DCAF13: variants seen among roughly 807,000 people sequenced by gnomAD.
DCAF13 encodes the protein DDB1 and CUL4 associated factor 13.
A neutral mutation model predicts 59.0 loss-of-function variants in DCAF13; 38 were observed. That is an observed-to-expected ratio of 0.64 (90% CI 0.50 to 0.84). The LOEUF (loss-of-function observed/expected upper bound fraction) is 0.84. Ranked by LOEUF, DCAF13 falls within the 40% of genes least tolerant of loss-of-function variation. The pLI, the probability that DCAF13 is intolerant of heterozygous loss-of-function variation, is 0.00. For missense variants in DCAF13, 469 were observed against 558.4 expected (o/e 0.84, Z 1.61); for synonymous variants, 173 against 175.0 (o/e 0.99, Z 0.09).
chr8:103,437,740 A>G (rs1461384682), intron 8 of DCAF13, among the ~76,000 whole-genome samples: 1 of 152,138 alleles, frequency 6.6e-6, no homozygotes, highest in East Asian at 1.9e-4. Flanking sequence ...GTATTTAAAA[A>G]ATATTTTCCT....
intron 1 of DCAF13, among the ~76,000 whole-genome samples, chr8:103,417,491 A>C (rs943419116): frequency 2.0e-5 from 3 of 151,712 alleles, no homozygotes; most frequent in Non-Finnish European, 4.4e-5. Context: ...AATACAAAAA[A>C]ATTAGCCCAG....
chr8:103,424,180 G>A (rs1213074208), intron 3 of DCAF13, among the ~76,000 whole-genome samples: 4 of 151,884 alleles, frequency 2.6e-5, no homozygotes, highest in African/African-American at 9.7e-5. Context: ...CACCACTCCC[G>A]GCTAATTTTT....
chr8:103,427,258 GT>G lies in DCAF13; in HGVS notation c.624+15del, dbSNP rs531567041. ...TTAAATTTAACCCAATTGAGGTAAT[GT>G]TTTTTTTTAAGTATGTTTTACTTAT... On this transcript the variant is annotated splice_region_variant and intron_variant, in intron 5 of 10. Transcript: ENST00000612750. 5.5e-3 allele frequency: 8,756 copies of G among 1,586,630 alleles called. 41 individuals carry two copies. The highest frequency in any genetic ancestry group is 7.0e-3 in the Non-Finnish European group (8,093 of 1,161,996).
In DCAF13 at chr8:103,440,284, AT is replaced by A; in HGVS notation, c.1086+17del. 1 of 1,552,704 alleles carries A rather than the reference AT, an allele frequency of 6.4e-7. No homozygotes were observed. Among genetic ancestry groups the A allele is most frequent in the South Asian group, 1.2e-5 (1 of 80,844 alleles). ...AAAATTGGGTGTGGTAAGAGAATTC[AT>A]TTTCTTTCATTGTCATAAAGCTGAT... On this transcript the variant is annotated intron_variant, in intron 9 of 10. Transcript: ENST00000612750.
At position 103,415,482 on chromosome 8, in the gene DCAF13, T is replaced by A. The variant is rs1586122430; in HGVS notation, c.36T>A (p.Asn12Lys). ...KVKMLSRNPD[N>K]YVRETKLDLQ... Reference sequence around the variant, plus strand: ...AGATGCTGAGCCGGAATCCGGACAATTATGTCCGCGAAACCAAGTTGGACT... The same window carrying A: ...AGATGCTGAGCCGGAATCCGGACAAATATGTCCGCGAAACCAAGTTGGACT... Residue 12 changes from asparagine to lysine, a missense_variant, in exon 1 of 11, where the codon AAT (asparagine) becomes AAA (lysine). Physicochemically the swap from Asn to Lys is moderately conservative, Grantham distance 94. Transcript: ENST00000612750. 6.2e-7 allele frequency: 1 copy of A among 1,612,874 alleles called. No individual in the cohort carries two copies.
At chr8:103,434,934 T>C (rs1414149358) in intron 7 of DCAF13, among the ~76,000 whole-genome samples, 4 of 152,118 alleles carry the variant, frequency 2.6e-5, no homozygotes. Flanking sequence ...TTGTTGGCAG[T>C]GATTTGGCAA....
intron 1 of DCAF13, among the ~76,000 whole-genome samples, chr8:103,417,412 C>T (rs1201787738): frequency 6.6e-6 from 1 of 151,790 alleles, no homozygotes; most frequent in African/African-American, 2.4e-5. Context: ...GAGGCCGAGA[C>T]GGGCGGATCA....
chr8:103,441,567 T>C lies in DCAF13; in HGVS notation c.1199T>C (p.Ile400Thr). The change falls in exon 10 of 11, where the codon ATC becomes ACC. Residue 400 changes from isoleucine to threonine, a missense_variant. Ile to Thr is a moderately conservative substitution (Grantham distance 89). Around this residue, in one of 3 missense-constraint regions of DCAF13, gnomAD observed 84 missense variants for 92.3 expected, o/e 0.91. Coordinates refer to ENST00000612750, the MANE Select transcript of DCAF13 (RefSeq NM_015420.7). ...IARHRHLPKS[I>T]YSQIQEQRIM... is the part of the protein sequence containing the mutation. ...CGTCATCGACATCTACCAAAATCTA[T>C]CTATAGCCAGATTCAGGAACAGCGC... is the stretch of plus-strand genomic sequence containing the variant. The C allele has an allele frequency of 1.2e-6, 2 of 1,609,880 alleles. No homozygotes were observed. Among genetic ancestry groups the C allele is most frequent in the Non-Finnish European group, 1.7e-6 (2 of 1,179,106 alleles).
chr8:103,416,459 A>G (rs1816614648), intron 1 of DCAF13, among the ~76,000 whole-genome samples: 1 of 152,156 alleles, frequency 6.6e-6, no homozygotes, highest in African/African-American at 2.4e-5. Flanking sequence ...GTTTCCCACA[A>G]GTGGTTTAGT....
At chr8:103,431,264 G>T (rs556374589) in intron 6 of DCAF13, among the ~76,000 whole-genome samples, 27 of 152,304 alleles carry the variant, frequency 1.8e-4, no homozygotes, top group African/African-American at 5.8e-4. Context: ...TAACTCTCAA[G>T]AGGGAGACAG....
At chr8:103,427,042 C>A in intron 4 of DCAF13, 55 bp from the exon 5 acceptor site, 1 of 1,324,562 alleles carries the variant, frequency 7.5e-7, no homozygotes, top group Non-Finnish European at 1.0e-6. Flanking sequence ...AAATATTATT[C>A]TGCAGATTTG....
intron 3 of DCAF13, among the ~76,000 whole-genome samples, chr8:103,423,456 A>G (rs1274056140): frequency 2.0e-5 from 3 of 152,210 alleles, no homozygotes; most frequent in African/African-American, 7.2e-5. Flanking sequence ...TAAGACAGAT[A>G]CCACATGATC....
chr8:103,418,866 A>ATTTTTT (rs1159489554), intron 1 of DCAF13, among the ~76,000 whole-genome samples: 3 of 38,428 alleles, frequency 7.8e-5, no homozygotes, highest in Non-Finnish European at 1.5e-4. Flanking sequence ...ATATATATAT[A>ATTTTTT]TTTTTTTTTT....
chr8:103,439,160 A>G (rs889186424), intron 8 of DCAF13, among the ~76,000 whole-genome samples: 1 of 151,904 alleles, frequency 6.6e-6, no homozygotes, highest in African/African-American at 2.4e-5. Context: ...GCCTGCCACC[A>G]TGCCTGGCTA....
At chr8:103,415,730 C>T (rs1407980868) in intron 1 of DCAF13, among the ~76,000 whole-genome samples, 1 of 152,170 alleles carries the variant, frequency 6.6e-6, no homozygotes, top group Admixed American at 6.5e-5. Flanking sequence ...AGAATTTCCT[C>T]TAGTGGTGAG....
chr8:103,425,855 T>G (rs1816784660), intron 3 of DCAF13, among the ~76,000 whole-genome samples: 1 of 152,220 alleles, frequency 6.6e-6, no homozygotes. Flanking sequence ...ACTCATTATA[T>G]TTTTAGTTTT....
chr8:103,436,561 ATAC>A (rs1816937466), intron 8 of DCAF13, among the ~76,000 whole-genome samples: 1 of 152,194 alleles, frequency 6.6e-6, no homozygotes, highest in Non-Finnish European at 1.5e-5. Flanking sequence ...ATGTTATTAA[ATAC>A]AGTATCTATT....
intron 8 of DCAF13, among the ~76,000 whole-genome samples, chr8:103,436,075 A>C (rs1245136375): frequency 2.0e-5 from 3 of 152,164 alleles, no homozygotes; most frequent in African/African-American, 4.8e-5. Context: ...AACACAGGAA[A>C]AGTACAGTAA....
Position 103,425,936 on chromosome 8 carries a change from T to C in DCAF13, c.379-120T>C, listed in dbSNP as rs558910482. 3 of 709,330 alleles carry C rather than the reference T, an allele frequency of 4.2e-6. No homozygotes were observed. The African/African-American group carries it at 5.3e-5, about 13-fold the overall frequency. 43.9% of individuals were successfully genotyped at this position (709,330 alleles called of 1,614,324 possible). The stretch of plus-strand genomic sequence containing the variant: ...GATATAAATGGATCAATAAGTGTAA[T>C]ACTGGAATGATATGGTATGTTACCT... On this transcript the variant is annotated intron_variant, in intron 3 of 10. Transcript: ENST00000612750.
Sources: allele counts gnomAD v4.1 joint callset (sites outside exome capture counted in the v4.1 genomes callset), GRCh38; gene constraint gnomAD v4.1.1; regional missense constraint gnomAD v4.1.1; transcripts MANE v1.5; gene names NCBI Gene and HGNC (gene_info 2026-07-23, HGNC 2026-07-21).